The following HHLA1 variants were observed in gnomAD, a reference collection of about 807,000 sequenced individuals.
The protein encoded by HHLA1 is HERV-H LTR-associating protein 1.
Under a neutral mutation model 69.9 loss-of-function variants are expected in HHLA1, and 72 were observed. The ratio of observed to expected loss-of-function variants is 1.03; its 90% confidence interval spans 0.85 to 1.25. The LOEUF (loss-of-function observed/expected upper bound fraction) is 1.25. Ranked by LOEUF, HHLA1 falls within the 50% of genes most tolerant of loss-of-function variation. The pLI, the probability that HHLA1 is intolerant of heterozygous loss-of-function variation, is 0.00. For missense variants in HHLA1, 685 were observed against 642.2 expected, an observed-to-expected ratio of 1.07 and a Z score of -0.72; for synonymous variants, 252 against 233.2, an observed-to-expected ratio of 1.08 and a Z score of -0.73.
At chr8:132,087,783 G>C in intron 9 of HHLA1, 44 bp from the exon 10 acceptor site, 1 of 1,541,466 alleles carries the variant, frequency 6.5e-7, no homozygotes, top group East Asian at 2.4e-5. Context: ...GGTTTCATCT[G>C]CTGGACAGTT....
At chr8:132,080,770 A>T (rs2130884465) in intron 10 of HHLA1, 1 of 152,354 alleles carries the variant, frequency 6.6e-6, no homozygotes, top group Non-Finnish European at 1.5e-5. Flanking sequence ...GGTGGTATGG[A>T]GAGAGAATGG....
At chr8:132,071,307 T>A (rs1563740349) in intron 15 of HHLA1, 33 bp downstream of exon 15, 4 of 1,536,936 alleles carry the variant, frequency 2.6e-6, no homozygotes, top group Non-Finnish European at 3.5e-6. Context: ...CTATAAATAT[T>A]CCATGTGAAA....
chr8:132,080,337 G>C lies in HHLA1; in HGVS notation c.677-371C>G. 2.0e-5 allele frequency: 7 copies of C among 357,798 alleles called. 1 individual carries two copies. The highest frequency in any genetic ancestry group is 1.5e-4 in the South Asian group (7 of 47,314). The allele number at this position is 357,798 out of a possible 1,614,324, so 22.2% of individuals were successfully genotyped here. On this transcript the variant is annotated intron_variant, in intron 10 of 16. Transcript: ENST00000414222. ...CAGGCGGGCTGAGTCCGAAAAGAGA[G>C]TCAGTGAAGGGAGATAAGGGTGGGG...
At chr8:132,085,846 G>C (rs1823851904) in intron 10 of HHLA1, among the ~76,000 whole-genome samples, 1 of 148,418 alleles carries the variant, frequency 6.7e-6, no homozygotes, top group Admixed American at 6.7e-5. Context: ...GCAAGGACCG[G>C]CCATTTACAC....
chr8:132,065,181 A>G (rs1395439813), intron 16 of HHLA1, among the ~76,000 whole-genome samples: 2 of 152,240 alleles, frequency 1.3e-5, no homozygotes, highest in Non-Finnish European at 2.9e-5. Flanking sequence ...AGCTACCAGG[A>G]CAAGGAGAGA....
intron 10 of HHLA1, among the ~76,000 whole-genome samples, chr8:132,083,869 C>T (rs1823809901): frequency 6.6e-6 from 1 of 152,050 alleles, no homozygotes. Context: ...TAATTAAATC[C>T]TGTTGTGGGG....
At position 132,089,522 on chromosome 8, in the gene HHLA1, G is replaced by A. The variant is rs907296676; in HGVS notation, c.526C>T (p.Leu176Phe). 2.0e-6 allele frequency: 3 copies of A among 1,493,624 alleles called. No homozygotes were observed. In the African/African-American group the frequency reaches 4.2e-5, roughly 21 times the overall value. The allele number at this position is 1,493,624 out of a possible 1,614,324, so 92.5% of individuals were successfully genotyped here. ...LTEIFKSTSI[L>F]SVNQSNESDC... ...GTTTTCAAGATGAACACACCTGAGA[G>A]GATGGAGGTTGACTTAAAAATCTCT... The change falls in exon 8 of 17, where the codon CTC (leucine) becomes TTC (phenylalanine). Residue 176 changes from leucine to phenylalanine, a missense_variant. Transcript: ENST00000414222.
chr8:132,066,671 T>C (rs1449139040), intron 15 of HHLA1, among the ~76,000 whole-genome samples: 1 of 152,242 alleles, frequency 6.6e-6, no homozygotes. Flanking sequence ...CTCTAATTTC[T>C]CTTCCACCTC....
intron 16 of HHLA1, among the ~76,000 whole-genome samples, chr8:132,064,843 G>A (rs1380584943): frequency 6.6e-6 from 1 of 152,184 alleles, no homozygotes; most frequent in Non-Finnish European, 1.5e-5. Context: ...AAGAAGTGTT[G>A]ACATGGATCC....
rs1475547979 is a variant in HHLA1, at chr8:132,111,091, A to G, written c.-22+11T>C. ...AAAAGAGTTTTAAAATACCTACCAT[A>G]TACTACTTACCTATCTTCTGAGCAG... is the stretch of plus-strand genomic sequence containing the variant. On this transcript the variant is annotated intron_variant, in intron 1 of 16. Transcript: ENST00000414222. 1 of 152,094 alleles carries G rather than the reference A, an allele frequency of 6.6e-6. No homozygotes were observed. Among genetic ancestry groups the G allele is most frequent in the Non-Finnish European group, 1.5e-5 (1 of 68,044 alleles). The allele number at this position is 152,094 out of a possible 1,614,324, so 9.4% of individuals were successfully genotyped here.
chr8:132,070,467 A>G (rs1386614369), intron 15 of HHLA1: 1 of 683,936 alleles, frequency 1.5e-6, no homozygotes, highest in Admixed American at 2.1e-5. Context: ...GAACCACTCA[A>G]GATCCTCTGC....
chr8:132,075,946 C>T, intron 14 of HHLA1, 109 bp downstream of exon 14: 2 of 777,196 alleles, frequency 2.6e-6, no homozygotes, highest in African/African-American at 1.7e-5. Flanking sequence ...GATTTGAATC[C>T]CATGAGTCTG....
At chr8:132,095,679 CAAG>C in intron 6 of HHLA1, 21 bp downstream of exon 6, 1 of 1,546,658 alleles carries the variant, frequency 6.5e-7, no homozygotes, top group Non-Finnish European at 8.7e-7. Flanking sequence ...CCACCACCAT[CAAG>C]AAGAGCCAGC....
At chr8:132,073,385 C>T (rs1184291927) in intron 14 of HHLA1, among the ~76,000 whole-genome samples, 1 of 152,156 alleles carries the variant, frequency 6.6e-6, no homozygotes, top group African/African-American at 2.4e-5. Flanking sequence ...AAGATAAACC[C>T]TCCAGAACAC....
At chr8:132,080,058 T>C in intron 10 of HHLA1, 92 bp from the exon 11 acceptor site, 3 of 1,456,296 alleles carry the variant, frequency 2.1e-6, no homozygotes, top group Non-Finnish European at 2.8e-6. Context: ...TATATGAATG[T>C]GGAGATTCAA....
At chr8:132,107,669 T>C (rs1824225515) in intron 1 of HHLA1, among the ~76,000 whole-genome samples, 1 of 152,214 alleles carries the variant, frequency 6.6e-6, no homozygotes, top group Admixed American at 6.5e-5. Flanking sequence ...AAATGCATTT[T>C]TACTTCTCCC....
intron 10 of HHLA1, 197 bp from the exon 11 acceptor site, chr8:132,080,163 C>G (rs563919246): frequency 1.4e-6 from 1 of 726,486 alleles, no homozygotes; most frequent in South Asian, 1.5e-5. Flanking sequence ...AGCCCTCAGC[C>G]TCTCCAGGAC....
chr8:132,073,994 G>C (rs926322363), intron 14 of HHLA1, among the ~76,000 whole-genome samples: 1 of 152,054 alleles, frequency 6.6e-6, no homozygotes, highest in Non-Finnish European at 1.5e-5. Flanking sequence ...GAACCTTTCT[G>C]CAACACAAAT....
In HHLA1 at chr8:132,071,434, T is replaced by A; in HGVS notation, c.1375A>T (p.Ile459Phe). Residue 459 changes from isoleucine (I) to phenylalanine (F), a missense_variant, in exon 15 of 17, where the codon ATT (isoleucine) becomes TTT (phenylalanine). Coordinates refer to ENST00000414222, the MANE Select transcript of HHLA1 (RefSeq NM_001145095.3). ...ATCAGGCATGGGTTGAGCCTCTGAA[T>A]AGCCAGGGTGAGAGGAGCAGCTGCC... The part of the protein sequence containing the change: ...AMAAAPLTLA[I>F]QRLNPCLMEL... 1 of 1,551,640 alleles carries A rather than the reference T, an allele frequency of 6.4e-7. No homozygotes were observed. The highest frequency in any genetic ancestry group is 8.7e-7 in the Non-Finnish European group (1 of 1,146,942).
Sources: allele counts gnomAD v4.1 joint callset (sites outside exome capture counted in the v4.1 genomes callset), GRCh38; gene constraint gnomAD v4.1.1; transcripts MANE v1.5; gene names NCBI Gene and HGNC (gene_info 2026-07-23, HGNC 2026-07-21).